RNF125: variants seen among roughly 807,000 people sequenced by gnomAD.
RNF125 encodes the protein E3 ubiquitin-protein ligase RNF125.
RNF125 carries 21 observed loss-of-function variants against 26.0 expected under a neutral mutation model. The ratio of observed to expected loss-of-function variants is 0.81; its 90% CI spans 0.57 to 1.16. The LOEUF is 1.16. Ranked by LOEUF, RNF125 falls within the 50% of genes most tolerant of loss-of-function variation. The pLI, the probability that RNF125 is intolerant of heterozygous loss-of-function variation, is 0.00. For missense variants in RNF125, 270 were observed against 299.4 expected, an observed-to-expected ratio of 0.90 and a Z score of 0.72; for synonymous variants, 95 against 109.2, an observed-to-expected ratio of 0.87 and a Z score of 0.81.
intron 2 of RNF125, among the ~76,000 whole-genome samples, chr18:32,040,550 G>A (rs555611817): frequency 6.6e-6 from 1 of 152,040 alleles, no homozygotes; most frequent in Non-Finnish European, 1.5e-5. Context: ...AATTACAGGC[G>A]TGAGCTACCA....
downstream of RNF125, among the ~76,000 whole-genome samples, chr18:32,077,759 A>C (rs1287003750): frequency 2.0e-5 from 3 of 152,010 alleles, no homozygotes; most frequent in Non-Finnish European, 4.4e-5. Context: ...TTTCTCTCTT[A>C]GCATAATGTC....
chr18:32,061,741 C>G (rs942256196), intron 4 of RNF125, among the ~76,000 whole-genome samples: 7 of 152,198 alleles, frequency 4.6e-5, no homozygotes, highest in African/African-American at 1.7e-4. Context: ...CTTTACAGAT[C>G]TTGAACAGTT....
At chr18:32,043,790 G>T (rs2039242099) in intron 3 of RNF125, among the ~76,000 whole-genome samples, 1 of 152,052 alleles carries the variant, frequency 6.6e-6, no homozygotes, top group Non-Finnish European at 1.5e-5. Context: ...TTAATATTTT[G>T]ATTTATGATA....
the RNF125 span, among the ~76,000 whole-genome samples, chr18:32,084,988 T>A: frequency 6.6e-6 from 1 of 152,212 alleles, no homozygotes; most frequent in Non-Finnish European, 1.5e-5. Flanking sequence ...GAACTTCCAT[T>A]TCAGCTACTT....
intron 4 of RNF125, among the ~76,000 whole-genome samples, chr18:32,052,742 C>G (rs1019833049): frequency 2.0e-5 from 3 of 152,044 alleles, no homozygotes; most frequent in Non-Finnish European, 2.9e-5. Flanking sequence ...TCTGAAGGAT[C>G]GAATCCTTTG....
Position 32,070,668 on chromosome 18 carries a change from T to G in RNF125, c.*2284T>G, listed in dbSNP as rs2144523133. The G allele has an allele frequency of 6.6e-6, 1 of 152,218 alleles. No homozygotes were observed. The highest frequency in any genetic ancestry group is 1.9e-4 in the East Asian group (1 of 5,178). The allele number at this position is 152,218 out of a possible 1,614,324, so 9.4% of individuals were successfully genotyped here. On this transcript the variant is annotated 3_prime_UTR_variant, in exon 6 of 6. Transcript: ENST00000217740. ...CAAATAATATGGCAATTGAAACAAT[T>G]AAAAAGTTTTCATTTGCTTTTCTCA...
At chr18:32,077,133 AATCT>A (rs2039575475), downstream of RNF125, among the ~76,000 whole-genome samples, 1 of 152,190 alleles carries the variant, frequency 6.6e-6, no homozygotes, top group Non-Finnish European at 1.5e-5. Context: ...TCAGCTGTCT[AATCT>A]ATCATGAGAC....
intron 2 of RNF125, among the ~76,000 whole-genome samples, chr18:32,040,834 T>C (rs1351261657): frequency 1.3e-5 from 2 of 152,146 alleles, no homozygotes; most frequent in African/African-American, 4.8e-5. Context: ...CATAAAGACA[T>C]GAGAGAACCC....
At chr18:32,033,757 C>T (rs1347394343) in intron 1 of RNF125, among the ~76,000 whole-genome samples, 4 of 145,442 alleles carry the variant, frequency 2.8e-5, no homozygotes, top group South Asian at 2.2e-4. Context: ...AGGTGGAGGT[C>T]GCGGTGAGTC....
chr18:32,074,683 C>G (rs1015192632), downstream of RNF125, among the ~76,000 whole-genome samples: 4 of 152,160 alleles, frequency 2.6e-5, no homozygotes, highest in South Asian at 8.3e-4. Context: ...GCTGGGACTA[C>G]AGGCATGCAC....
In RNF125 at chr18:32,042,178, G is replaced by A; in HGVS notation, c.319-1G>A. The stretch of plus-strand genomic sequence containing the variant: ...TTTATTTTGAATTTGTTTTTATGTA[G>A]GTTTGCCTCAGTGAAATGAGGGCAC... On this transcript the variant is annotated splice_acceptor_variant, in intron 2 of 5. Coordinates refer to ENST00000217740, the MANE Select transcript of RNF125 (RefSeq NM_017831.4). LOFTEE classifies it high-confidence loss of function. The A allele has an allele frequency of 6.2e-7, 1 of 1,609,298 alleles. No homozygotes were observed. Among genetic ancestry groups the A allele is most frequent in the South Asian group, 1.1e-5 (1 of 90,814 alleles).
At chr18:32,076,303 GTTTT>G (rs200332934), downstream of RNF125, 14 of 308,820 alleles carry the variant, frequency 4.5e-5, no homozygotes, top group Non-Finnish European at 1.3e-5. Flanking sequence ...GTGGAAAGAG[GTTTT>G]TTTTGGTTGT....
At chr18:32,037,364 CTTTTTTTTTTT>C (rs796828237) in intron 2 of RNF125, 95 bp downstream of exon 2, 2,052 of 133,026 alleles carry the variant, frequency 0.015, 60 homozygotes, top group African/African-American at 0.093. Context: ...TGGTACGCAC[CTTTTTTTTTTT>C]TTTTTTTTTT....
intron 1 of RNF125, 137 bp downstream of exon 1, chr18:32,019,164 C>A: frequency 2.0e-6 from 2 of 1,024,844 alleles, no homozygotes; most frequent in South Asian, 1.6e-5. Flanking sequence ...CTGGACCCGT[C>A]GGATGCAGGA....
At position 32,050,869 on chromosome 18, in the gene RNF125, T is replaced by C. The variant is rs1365756823; in HGVS notation, c.504+5137T>C. Among the ~76,000 whole-genome samples, 63 of 43,628 alleles carry C rather than the reference T, an allele frequency of 1.4e-3. 1 individual carries two copies. Among genetic ancestry groups the C allele is most frequent in the Non-Finnish European group, 1.8e-3 (41 of 23,272 alleles). 28.6% of individuals were successfully genotyped at this position (43,628 alleles called of 152,430 possible). A position where few individuals can be genotyped will look rare whatever the true frequency, so the allele number is the denominator to read the frequency against. On this transcript the variant is annotated intron_variant, in intron 4 of 5. Coordinates refer to ENST00000217740, the MANE Select transcript of RNF125 (RefSeq NM_017831.4). Reference sequence around the variant, plus strand: ...CTAGTCTCTCGGTCTAGAGTGCTTTTTTTTTTTTTTTTTTTTTTTTTTTTT... The same window carrying C: ...CTAGTCTCTCGGTCTAGAGTGCTTTCTTTTTTTTTTTTTTTTTTTTTTTTT...
intron 1 of RNF125, among the ~76,000 whole-genome samples, chr18:32,029,966 G>A (rs2039076177): frequency 6.6e-6 from 1 of 152,204 alleles, no homozygotes; most frequent in Non-Finnish European, 1.5e-5. Flanking sequence ...CACACCATAA[G>A]AAAGAGCCAA....
At chr18:32,054,321 G>C (rs1322384753) in intron 4 of RNF125, among the ~76,000 whole-genome samples, 1 of 152,068 alleles carries the variant, frequency 6.6e-6, no homozygotes, top group Non-Finnish European at 1.5e-5. Flanking sequence ...TTGAACTCCT[G>C]ACCTCAGGTG....
chr18:32,073,592 A>G (rs144374286), downstream of RNF125, among the ~76,000 whole-genome samples: 157 of 152,384 alleles, frequency 1.0e-3, no homozygotes, highest in Admixed American at 2.2e-3. Flanking sequence ...AAGAGGCTTC[A>G]CTGAAATTTA....
chr18:32,073,768 C>T (rs1170814709), downstream of RNF125, among the ~76,000 whole-genome samples: 1 of 152,102 alleles, frequency 6.6e-6, no homozygotes, highest in East Asian at 1.9e-4. Flanking sequence ...ACCTCTGATG[C>T]CTGTTTGCTG....
Sources: allele counts gnomAD v4.1 joint callset (sites outside exome capture counted in the v4.1 genomes callset), GRCh38; gene constraint gnomAD v4.1.1; transcripts MANE v1.5; gene names NCBI Gene and HGNC (gene_info 2026-07-23, HGNC 2026-07-21).